STAU1: variants seen among roughly 807,000 people sequenced by gnomAD.
The protein encoded by STAU1 is double-stranded RNA-binding protein Staufen homolog 1.
Under a neutral mutation model 62.9 loss-of-function variants are expected in STAU1, and 13 were observed. The ratio of observed to expected loss-of-function variants is 0.21; its 90% CI spans 0.13 to 0.33. STAU1 has a LOEUF of 0.33. Among genes scored for constraint, STAU1 ranks in the 10% least tolerant of loss-of-function variants. The pLI is 1.00. For synonymous variants in STAU1, 269 were observed against 265.1 expected (o/e 1.01, Z -0.14); for missense variants, 571 against 712.1 (o/e 0.80, Z 2.25).
Position 49,117,812 on chromosome 20 carries a change from G to T in STAU1, c.1474C>A (p.Gln492Lys), listed in dbSNP as rs139809242. 22 of 1,613,700 alleles carry T rather than the reference G, an allele frequency of 1.4e-5. No homozygotes were observed. Among genetic ancestry groups the T allele is most frequent in the Non-Finnish European group, 1.9e-5 (22 of 1,179,944 alleles). The part of the protein sequence containing the change: ...PHGPLTRPSE[Q>K]LDYLSRVQGF... ...TGGACTCTGGAAAGATAGTCCAGTTGCTCAGAGGGTCTCGTGAGAGGTCCA... is the reference window on the plus strand; with the variant it reads ...TGGACTCTGGAAAGATAGTCCAGTTTCTCAGAGGGTCTCGTGAGAGGTCCA... Residue 492 changes from glutamine (Q) to lysine (K), a missense_variant, in exon 11 of 14, where the codon CAA (glutamine) becomes AAA (lysine). Gln to Lys is a moderately conservative substitution (Grantham distance 53, BLOSUM62 1). This residue lies in a region of STAU1 where 156 missense variants were observed against 194.7 expected (regional missense o/e 0.80). Transcript: ENST00000371856. This position sits in a 1 kb window ranked among gnomAD's most constrained non-coding sequence, Gnocchi z 4.6.
chr20:49,162,030 G>C (rs528076028), intron 3 of STAU1, among the ~76,000 whole-genome samples: 113 of 152,156 alleles, frequency 7.4e-4, no homozygotes, highest in Non-Finnish European at 1.5e-3. Flanking sequence ...ACTGGTTACT[G>C]AAACAGCCGC....
At chr20:49,169,476 A>C (rs2093570186) in intron 2 of STAU1, among the ~76,000 whole-genome samples, 1 of 152,238 alleles carries the variant, frequency 6.6e-6, no homozygotes, top group South Asian at 2.1e-4. Flanking sequence ...GCTCAACAGT[A>C]CTGTCCTGAA....
the STAU1 span, among the ~76,000 whole-genome samples, chr20:49,217,285 C>T: frequency 6.6e-6 from 1 of 152,112 alleles, no homozygotes; most frequent in Non-Finnish European, 1.5e-5. Context: ...CGTTCTCTCT[C>T]ACATGCGCCC....
At chr20:49,213,604 C>A in the STAU1 span, among the ~76,000 whole-genome samples, 1 of 152,084 alleles carries the variant, frequency 6.6e-6, no homozygotes, top group Non-Finnish European at 1.5e-5. Flanking sequence ...GCTTACTTAC[C>A]CAATTAATTA....
chr20:49,170,078 G>T (rs2093577648), intron 2 of STAU1, among the ~76,000 whole-genome samples: 1 of 151,970 alleles, frequency 6.6e-6, no homozygotes, highest in African/African-American at 2.4e-5. Flanking sequence ...CGCTACGAAA[G>T]TTTTTTTTAA....
chr20:49,151,059 C>G (rs2093239168), intron 5 of STAU1, among the ~76,000 whole-genome samples: 1 of 152,166 alleles, frequency 6.6e-6, no homozygotes, highest in African/African-American at 2.4e-5. Flanking sequence ...CCTTGCCAAG[C>G]CCAGCCTCAA....
intron 5 of STAU1, among the ~76,000 whole-genome samples, chr20:49,149,099 A>C (rs2093186722): frequency 6.6e-6 from 1 of 152,058 alleles, no homozygotes; most frequent in East Asian, 1.9e-4. Flanking sequence ...AAAAATACAA[A>C]AATTAGCTGG....
At chr20:49,199,788 G>C in the STAU1 span, among the ~76,000 whole-genome samples, 1 of 152,058 alleles carries the variant, frequency 6.6e-6, no homozygotes, top group East Asian at 1.9e-4. Context: ...TGGCCAGGCT[G>C]GTCTTGAACT....
chr20:49,166,470 T>C (rs1195768158), intron 2 of STAU1, among the ~76,000 whole-genome samples, 185 bp from the exon 3 acceptor site: 1 of 152,246 alleles, frequency 6.6e-6, no homozygotes, highest in Non-Finnish European at 1.5e-5. Flanking sequence ...GCCTTGTGAC[T>C]TTCCCACAGT....
chr20:49,124,285 C>A, intron 7 of STAU1, 90 bp downstream of exon 7: 1 of 1,411,038 alleles, frequency 7.1e-7, no homozygotes, highest in African/African-American at 1.4e-5. Flanking sequence ...GTCTCATCCC[C>A]TTTCACCTTG....
Position 49,172,881 on chromosome 20 carries a change from AT to A in STAU1, c.-85+1313del, listed in dbSNP as rs1156864554. On this transcript the variant is annotated intron_variant, in intron 2 of 13. Coordinates refer to ENST00000371856, the MANE Select transcript of STAU1 (RefSeq NM_017453.4). ...AAGGAATCCTGAGGCATGATAATAC[AT>A]TTTTTTTTTTTTTGAGATGGAGTCT... Among the ~76,000 whole-genome samples the A allele has an allele frequency of 7.1e-3, 1,009 of 141,214 alleles. 4 individuals are homozygous for A. Among genetic ancestry groups the A allele is most frequent in the East Asian group, 0.018 (87 of 4,822 alleles). The allele number at this position is 141,214 out of a possible 152,430, so 92.6% of individuals were successfully genotyped here.
chr20:49,209,232 G>T, the STAU1 span, among the ~76,000 whole-genome samples: 1 of 147,278 alleles, frequency 6.8e-6, no homozygotes, highest in African/African-American at 2.5e-5. Flanking sequence ...ACCGCGCCAG[G>T]CCCCTGTCTC....
In STAU1 at chr20:49,114,672, G is replaced by A; in HGVS notation, c.*206C>T. 1 of 538,516 alleles carries A rather than the reference G, an allele frequency of 1.9e-6. No homozygotes were observed. Among genetic ancestry groups the A allele is most frequent in the East Asian group, 2.9e-5 (1 of 34,186 alleles). The allele number at this position is 538,516 out of a possible 1,614,324, so 33.4% of individuals were successfully genotyped here. A position where few individuals can be genotyped will look rare whatever the true frequency, so the allele number is the denominator to read the frequency against. On this transcript the variant is annotated 3_prime_UTR_variant, in exon 14 of 14. Transcript: ENST00000371856. ...CGTAGGGACCGCCAGGTCACCGAGT[G>A]GCCATCACAACAAACCCCAGCACAG...
intron 1 of STAU1, among the ~76,000 whole-genome samples, chr20:49,182,980 G>A (rs1207869733): frequency 6.6e-6 from 1 of 152,132 alleles, no homozygotes; most frequent in Non-Finnish European, 1.5e-5. Flanking sequence ...TAATAAAATG[G>A]TGGGGGTAAA....
At chr20:49,201,751 A>G in the STAU1 span, among the ~76,000 whole-genome samples, 1 of 148,916 alleles carries the variant, frequency 6.7e-6, no homozygotes, top group Non-Finnish European at 1.5e-5. Flanking sequence ...CAAAAAAAAA[A>G]AAAAAAAAAA....
At chr20:49,201,161 G>A in the STAU1 span, among the ~76,000 whole-genome samples, 3 of 151,284 alleles carry the variant, frequency 2.0e-5, no homozygotes, top group Admixed American at 6.6e-5. Flanking sequence ...GAAGTTGATG[G>A]AACTGTTCTC....
chr20:49,115,718 ACT>A, intron 13 of STAU1, 62 bp downstream of exon 13: 1 of 1,401,438 alleles, frequency 7.1e-7, no homozygotes, highest in Non-Finnish European at 1.0e-6. Flanking sequence ...GATAGTGTAA[ACT>A]CAACACAAAC....
rs536143166 is a variant in STAU1, at chr20:49,129,344, G to C, written c.610-4757C>G. ...ACTCTGTCACCCAGGGTGGAACGCA[G>C]TGGCGCGATCTTGGCTCACTGCAAC... On this transcript the variant is annotated intron_variant, in intron 6 of 13. Coordinates refer to ENST00000371856, the MANE Select transcript of STAU1 (RefSeq NM_017453.4). 2.9e-4 allele frequency among the ~76,000 whole-genome samples: 37 copies of C among 125,610 alleles called. 1 individual carries two copies. The South Asian group carries it at 9.1e-3, about 31-fold the overall frequency. 82.4% of individuals were successfully genotyped at this position (125,610 alleles called of 152,430 possible). A position where few individuals can be genotyped will look rare whatever the true frequency, so the allele number is the denominator to read the frequency against.
the STAU1 span, among the ~76,000 whole-genome samples, chr20:49,202,216 T>C: frequency 2.9e-4 from 15 of 50,850 alleles, no homozygotes; most frequent in Middle Eastern, 8.6e-3. Flanking sequence ...CGAGACTCCA[T>C]CTCAAAAAAA....
Sources: allele counts gnomAD v4.1 joint callset (sites outside exome capture counted in the v4.1 genomes callset), GRCh38; gene constraint gnomAD v4.1.1; regional missense constraint gnomAD v4.1.1; non-coding constraint Gnocchi (gnomAD v3.1); transcripts MANE v1.5; gene names NCBI Gene and HGNC (gene_info 2026-07-23, HGNC 2026-07-21).